Variants in TAMM41 observed in about 807,000 individuals in gnomAD.
TAMM41 encodes the protein phosphatidate cytidylyltransferase, mitochondrial.
In TAMM41, 36 loss-of-function variants were observed where a neutral mutation model predicts 44.1. That is an observed-to-expected ratio of 0.82 (90% CI 0.63 to 1.08). The LOEUF (loss-of-function observed/expected upper bound fraction) is 1.08, where lower values mean the gene tolerates loss of function less well. Ranked by LOEUF, TAMM41 falls within the 50% of genes least tolerant of loss-of-function variation. TAMM41 has a pLI of 0.00. For missense variants in TAMM41, 417 were observed against 404.3 expected (o/e 1.03, Z -0.27); for synonymous variants, 164 against 153.1 (o/e 1.07, Z -0.53).
chr3:11,810,590 A>G (rs1366953548), intron 5 of TAMM41, among the ~76,000 whole-genome samples: 1 of 152,220 alleles, frequency 6.6e-6, no homozygotes, highest in Admixed American at 6.5e-5. Flanking sequence ...CCAAGGAAGA[A>G]TCTGTCTTGT....
the TAMM41 span, among the ~76,000 whole-genome samples, chr3:11,773,810 C>T: frequency 6.6e-6 from 1 of 152,108 alleles, no homozygotes; most frequent in African/African-American, 2.4e-5. Flanking sequence ...GTGTTGGGGG[C>T]CGGGTGCGGT....
At chr3:11,839,392 CAG>C in intron 2 of TAMM41, 78 bp from the exon 3 acceptor site, 3 of 963,526 alleles carry the variant, frequency 3.1e-6, no homozygotes, top group Non-Finnish European at 4.7e-6. Context: ...TATAAGGAAA[CAG>C]ATAAAATTCT....
At chr3:11,804,139 A>G (rs2077833554) in intron 7 of TAMM41, among the ~76,000 whole-genome samples, 1 of 152,208 alleles carries the variant, frequency 6.6e-6, no homozygotes, top group African/African-American at 2.4e-5. Context: ...TCAGCACTCC[A>G]GGGCCACAAG....
At chr3:11,740,796 C>A in the TAMM41 span, among the ~76,000 whole-genome samples, 2,319 of 143,586 alleles carry the variant, frequency 0.016, 55 homozygotes, top group African/African-American at 0.06. Flanking sequence ...GAACTCCTGA[C>A]CTCAGGTGAT....
At chr3:11,760,214 G>A in the TAMM41 span, among the ~76,000 whole-genome samples, 1 of 152,152 alleles carries the variant, frequency 6.6e-6, no homozygotes, top group African/African-American at 2.4e-5. Context: ...AAGCCTGGAG[G>A]CCAATCTACT....
intron 5 of TAMM41, among the ~76,000 whole-genome samples, chr3:11,813,536 AC>A (rs1157312015): frequency 3.3e-5 from 5 of 152,176 alleles, no homozygotes; most frequent in Non-Finnish European, 5.9e-5. Flanking sequence ...TCTCAAAAAA[AC>A]AAAACAAAAC....
At chr3:11,835,992 T>TTC (rs2079157168) in intron 3 of TAMM41, among the ~76,000 whole-genome samples, 2 of 145,628 alleles carry the variant, frequency 1.4e-5, no homozygotes, top group African/African-American at 5.1e-5. Context: ...TCCTTTTCCT[T>TTC]TTTTTTTTTT....
intron 5 of TAMM41, among the ~76,000 whole-genome samples, chr3:11,813,369 A>C (rs2078150451): frequency 6.6e-6 from 1 of 152,120 alleles, no homozygotes; most frequent in South Asian, 2.1e-4. Context: ...ATCTCTACTA[A>C]AAATACAAAA....
At chr3:11,752,625 CTTTTTTTTTTT>C in the TAMM41 span, among the ~76,000 whole-genome samples, 62 of 39,954 alleles carry the variant, frequency 1.6e-3, no homozygotes, top group African/African-American at 4.3e-3. Context: ...TCTTACAAAG[CTTTTTTTTTTT>C]TTTTTTTTTT....
intron 7 of TAMM41, among the ~76,000 whole-genome samples, chr3:11,803,511 T>G (rs1311535570): frequency 6.6e-6 from 1 of 152,202 alleles, no homozygotes; most frequent in African/African-American, 2.4e-5. Flanking sequence ...TATGGAGATT[T>G]CTTAAAGACC....
intron 7 of TAMM41, among the ~76,000 whole-genome samples, chr3:11,799,352 T>C (rs2077688543): frequency 6.6e-6 from 1 of 152,208 alleles, no homozygotes; most frequent in African/African-American, 2.4e-5. Context: ...TCAGAAAAAT[T>C]AGGTAACTTG....
chr3:11,741,216 C>CTAAA, the TAMM41 span, among the ~76,000 whole-genome samples: 1 of 61,834 alleles, frequency 1.6e-5, no homozygotes, highest in East Asian at 5.5e-4. Context: ...GACACCGTCT[C>CTAAA]AAAAAAAAAA....
At chr3:11,747,050 A>G in the TAMM41 span, among the ~76,000 whole-genome samples, 2 of 152,134 alleles carry the variant, frequency 1.3e-5, no homozygotes, top group Non-Finnish European at 2.9e-5. Flanking sequence ...GAAAGACTAC[A>G]AAGACGTGTG....
intron 7 of TAMM41, among the ~76,000 whole-genome samples, chr3:11,794,221 C>T (rs1483221651): frequency 6.6e-6 from 1 of 151,702 alleles, no homozygotes; most frequent in Admixed American, 6.6e-5. Context: ...ACTGGAGCCT[C>T]GATCTTCTGG....
At chr3:11,808,239 T>C in intron 6 of TAMM41, 4 of 1,098,864 alleles carry the variant, frequency 3.6e-6, no homozygotes, top group Non-Finnish European at 4.4e-6. Context: ...TTCCATAACA[T>C]GAAAAGATAA....
At chr3:11,779,239 C>T in the TAMM41 span, among the ~76,000 whole-genome samples, 1 of 152,202 alleles carries the variant, frequency 6.6e-6, no homozygotes, top group African/African-American at 2.4e-5. Flanking sequence ...TCACCAGATG[C>T]AGATGCCCAA....
chr3:11,783,400 TG>T, the TAMM41 span, among the ~76,000 whole-genome samples: 1 of 151,688 alleles, frequency 6.6e-6, no homozygotes, highest in Non-Finnish European at 1.5e-5. Context: ...TAGCCACCTT[TG>T]GTCACCAAAT....
At chr3:11,779,149 A>C in the TAMM41 span, among the ~76,000 whole-genome samples, 1 of 151,968 alleles carries the variant, frequency 6.6e-6, no homozygotes, top group Non-Finnish European at 1.5e-5. Flanking sequence ...CGCCTTTTCC[A>C]GCTCTCTCTC....
the TAMM41 span, among the ~76,000 whole-genome samples, chr3:11,771,781 C>G: frequency 9.1e-4 from 138 of 151,310 alleles, no homozygotes; most frequent in African/African-American, 3.0e-3. Flanking sequence ...TGGGGTTTCA[C>G]CATGTTTGCC....
Sources: gnomAD v4.1 joint callset for allele counts (sites outside exome capture counted in the v4.1 genomes callset) on GRCh38, gnomAD v4.1.1 for gene constraint, MANE v1.5 for transcripts, NCBI Gene and HGNC (gene_info 2026-07-23, HGNC 2026-07-21) for gene names.